CYP7B1: variants seen among roughly 807,000 people sequenced by gnomAD.
The protein encoded by CYP7B1 is cytochrome P450 7B1.
Under a neutral mutation model 42.7 loss-of-function variants are expected in CYP7B1, and 29 were observed. The observed-to-expected ratio is 0.68, with a 90% CI of 0.51 to 0.93. The LOEUF is 0.93. Among genes scored for constraint, CYP7B1 ranks in the 40% least tolerant of loss-of-function variants. CYP7B1 has a pLI of 0.00. For missense variants in CYP7B1, 655 were observed against 600.5 expected (o/e 1.09, Z -0.95); for synonymous variants, 235 against 218.2 (o/e 1.08, Z -0.68).
chr8:64,629,024 G>A (rs1805649194), intron 1 of CYP7B1, among the ~76,000 whole-genome samples: 1 of 151,932 alleles, frequency 6.6e-6, no homozygotes, highest in Admixed American at 6.6e-5. Context: ...TCAAGAGTTC[G>A]AGACCAGCCT....
intron 4 of CYP7B1, among the ~76,000 whole-genome samples, chr8:64,613,347 T>C (rs1805388342): frequency 6.6e-6 from 1 of 152,176 alleles, no homozygotes; most frequent in Non-Finnish European, 1.5e-5. Flanking sequence ...GCTTTAATAC[T>C]GAAATTTAAA....
At chr8:64,763,483 T>A (rs1807921093) in intron 1 of CYP7B1, among the ~76,000 whole-genome samples, 1 of 152,246 alleles carries the variant, frequency 6.6e-6, no homozygotes, top group African/African-American at 2.4e-5. Flanking sequence ...ATACAGGGAT[T>A]CTCTAAAGCA....
At chr8:64,795,407 G>A (rs112078718) in intron 1 of CYP7B1, among the ~76,000 whole-genome samples, 11 of 152,278 alleles carry the variant, frequency 7.2e-5, no homozygotes, top group East Asian at 1.9e-4. Context: ...TTCATCAGGC[G>A]ATCTCAACTT....
chr8:64,717,338 T>G (rs1417296877), intron 1 of CYP7B1, among the ~76,000 whole-genome samples: 1 of 152,230 alleles, frequency 6.6e-6, no homozygotes, highest in Admixed American at 6.5e-5. Flanking sequence ...ATCATTTTGG[T>G]TGAACATTTC....
At chr8:64,589,986 G>A (rs1805013397), downstream of CYP7B1, 1 of 152,130 alleles carries the variant, frequency 6.6e-6, no homozygotes. Flanking sequence ...ACAGTATCAA[G>A]CACTTTTCAA....
chr8:64,634,338 G>A (rs1322155204), intron 1 of CYP7B1, among the ~76,000 whole-genome samples: 1 of 152,100 alleles, frequency 6.6e-6, no homozygotes, highest in Non-Finnish European at 1.5e-5. Context: ...GGGAAGGCAA[G>A]GTGGGCAGAT....
intron 1 of CYP7B1, among the ~76,000 whole-genome samples, chr8:64,740,945 T>C (rs573576375): frequency 2.6e-5 from 4 of 152,226 alleles, no homozygotes; most frequent in African/African-American, 9.6e-5. Flanking sequence ...TAATACCAAT[T>C]CTGTATCATT....
intron 1 of CYP7B1, among the ~76,000 whole-genome samples, chr8:64,693,404 C>T (rs1406824506): frequency 6.6e-6 from 1 of 152,208 alleles, no homozygotes; most frequent in Non-Finnish European, 1.5e-5. Flanking sequence ...TGGGGCTTGA[C>T]ACTGAGCCTT....
At chr8:64,627,289 A>G (rs1324542049) in intron 1 of CYP7B1, among the ~76,000 whole-genome samples, 3 of 152,212 alleles carry the variant, frequency 2.0e-5, no homozygotes, top group African/African-American at 7.2e-5. Context: ...CCATTAATAC[A>G]GTTAATTCCA....
rs1805026080 is a variant in CYP7B1 at position 64,590,984 on chromosome 8, C to A, written c.*5658G>T. ...ATTCATTGTAAATCCACATATATGT[C>A]ATTTTAAAATCAAAGATAATATTAA... On this transcript the variant is annotated 3_prime_UTR_variant, in exon 6 of 6. Transcript: ENST00000310193. 6.6e-6 allele frequency among the ~76,000 whole-genome samples: 1 copy of A among 152,018 alleles called. No individual in the cohort carries two copies. The highest frequency in any genetic ancestry group is 6.6e-5 in the Admixed American group (1 of 15,252).
chr8:64,645,687 C>CA (rs914682149), intron 1 of CYP7B1, among the ~76,000 whole-genome samples: 2 of 151,930 alleles, frequency 1.3e-5, no homozygotes, highest in Non-Finnish European at 2.9e-5. Flanking sequence ...CACAGAATTG[C>CA]AAAAAACTAC....
At chr8:64,776,579 AT>A (rs1804330254) in intron 1 of CYP7B1, among the ~76,000 whole-genome samples, 4 of 152,274 alleles carry the variant, frequency 2.6e-5, no homozygotes, top group Admixed American at 1.3e-4. Context: ...TAAGAAACTA[AT>A]AAACATGAAA....
intron 2 of CYP7B1, among the ~76,000 whole-genome samples, chr8:64,619,699 C>T (rs1805498813): frequency 6.6e-6 from 1 of 152,134 alleles, no homozygotes; most frequent in South Asian, 2.1e-4. Flanking sequence ...AGCCTTTCCA[C>T]TTCCGTTAAA....
At chr8:64,613,405 TTACAAC>T (rs1415456402) in intron 4 of CYP7B1, among the ~76,000 whole-genome samples, 1 of 152,164 alleles carries the variant, frequency 6.6e-6, no homozygotes, top group African/African-American at 2.4e-5. Flanking sequence ...AGTGGATGAA[TTACAAC>T]TACATTTTTT....
downstream of CYP7B1, among the ~76,000 whole-genome samples, chr8:64,588,792 GCTGA>G (rs1182083077): frequency 8.5e-5 from 13 of 152,346 alleles, no homozygotes; most frequent in East Asian, 2.3e-3. Flanking sequence ...CAGATGCCAG[GCTGA>G]CTGAGTCGGT....
intron 4 of CYP7B1, among the ~76,000 whole-genome samples, chr8:64,611,973 C>T (rs1050449887): frequency 2.0e-5 from 3 of 152,008 alleles, no homozygotes; most frequent in East Asian, 1.9e-4. Context: ...GAGCCTATAC[C>T]GTGTACCATT....
At chr8:64,719,246 T>C (rs1251704591) in intron 1 of CYP7B1, among the ~76,000 whole-genome samples, 1 of 152,144 alleles carries the variant, frequency 6.6e-6, no homozygotes, top group Non-Finnish European at 1.5e-5. Context: ...TATCAACCAC[T>C]TAAAATATAT....
At chr8:64,745,407 G>T (rs1314126795) in intron 1 of CYP7B1, among the ~76,000 whole-genome samples, 1 of 152,094 alleles carries the variant, frequency 6.6e-6, no homozygotes, top group Non-Finnish European at 1.5e-5. Context: ...AGCTAACCAG[G>T]ACTCAACATT....
chr8:64,632,327 A>G (rs1805709024), intron 1 of CYP7B1, among the ~76,000 whole-genome samples: 1 of 152,190 alleles, frequency 6.6e-6, no homozygotes, highest in South Asian at 2.1e-4. Flanking sequence ...TACAGAAAAC[A>G]AACACTACAT....
Sources: allele counts gnomAD v4.1 joint callset (sites outside exome capture counted in the v4.1 genomes callset), GRCh38; gene constraint gnomAD v4.1.1; transcripts MANE v1.5; gene names NCBI Gene and HGNC (gene_info 2026-07-23, HGNC 2026-07-21).